ZNF385D: variants seen among roughly 807,000 people sequenced by gnomAD.
ZNF385D encodes zinc finger protein 659.
In ZNF385D, 15 loss-of-function variants were observed where a neutral mutation model predicts 35.8. That is an observed-to-expected ratio of 0.42 (90% CI 0.28 to 0.64). The LOEUF (loss-of-function observed/expected upper bound fraction) is 0.64. Ranked by LOEUF, ZNF385D falls within the 30% of genes least tolerant of loss-of-function variation. The pLI, the probability that ZNF385D is intolerant of heterozygous loss-of-function variation, is 0.23. For missense variants in ZNF385D, 474 were observed against 494.6 expected (o/e 0.96, Z 0.39); for synonymous variants, 212 against 186.8 (o/e 1.13, Z -1.10).
rs1403036346 is a variant in ZNF385D at position 21,415,128 on chromosome 3, T to A, written c.*6086A>T. 1 of 152,172 alleles carries A rather than the reference T, an allele frequency of 6.6e-6. No individual in the cohort carries two copies. Among genetic ancestry groups the A allele is most frequent in the Non-Finnish European group, 1.5e-5 (1 of 68,016 alleles). The allele number at this position is 152,172 out of a possible 1,614,324, so 9.4% of individuals were successfully genotyped here. On this transcript the variant is annotated 3_prime_UTR_variant, in exon 8 of 8. Transcript: ENST00000281523. ...ACTCTCTGACATCATTGTTTCTCAA[T>A]AGATTTATGTTGAACAATCCTATTA...
intron 2 of ZNF385D, among the ~76,000 whole-genome samples, chr3:21,634,583 G>C (rs1458468078): frequency 1.3e-5 from 2 of 151,552 alleles, no homozygotes; most frequent in East Asian, 2.0e-4. Flanking sequence ...TATTTTTTTA[G>C]TCAATAAAAT....
chr3:22,230,906 T>C (rs76356078), intron 2 of ZNF385D, among the ~76,000 whole-genome samples: 5 of 152,048 alleles, frequency 3.3e-5, no homozygotes, highest in Non-Finnish European at 7.4e-5. Context: ...AGGAAAAAGA[T>C]GAAAATTCTA....
intron 3 of ZNF385D, among the ~76,000 whole-genome samples, chr3:21,867,496 C>A (rs772590251): frequency 2.0e-5 from 3 of 152,084 alleles, no homozygotes; most frequent in Admixed American, 6.6e-5. Flanking sequence ...TGCTCTCTAC[C>A]TGTGAGGAGT....
intron 2 of ZNF385D, among the ~76,000 whole-genome samples, chr3:22,261,125 A>G (rs948102168): frequency 1.4e-5 from 2 of 145,150 alleles, no homozygotes; most frequent in African/African-American, 5.1e-5. Flanking sequence ...CCATCCATCC[A>G]TCTACACCGA....
At chr3:21,591,173 GAGA>G (rs2063965850) in intron 2 of ZNF385D, among the ~76,000 whole-genome samples, 1 of 152,100 alleles carries the variant, frequency 6.6e-6, no homozygotes, top group African/African-American at 2.4e-5. Flanking sequence ...CTCAGCCTGG[GAGA>G]CAGACCACAT....
chr3:21,435,042 C>A lies in ZNF385D; in HGVS notation c.673+1928G>T, dbSNP rs1701482313. On this transcript the variant is annotated intron_variant, in intron 5 of 7. Transcript: ENST00000281523. ...TTTATTTATTTTTCTCCAAAAACTA[C>A]AGCTTCCCATGACTTGGATATAATA... Among the ~76,000 whole-genome samples, 8 of 152,224 alleles carry A rather than the reference C, an allele frequency of 5.3e-5. No individual in the cohort carries two copies. The South Asian group carries it at 1.7e-3, about 32-fold the overall frequency.
intron 3 of ZNF385D, among the ~76,000 whole-genome samples, chr3:21,759,045 G>A (rs1438691453): frequency 7.6e-6 from 1 of 131,682 alleles, no homozygotes; most frequent in Non-Finnish European, 1.6e-5. Context: ...GAACTCGAAT[G>A]TTCAAGTTAC....
chr3:21,726,248 T>C (rs923971336), intron 1 of ZNF385D, among the ~76,000 whole-genome samples: 1 of 152,138 alleles, frequency 6.6e-6, no homozygotes, highest in Non-Finnish European at 1.5e-5. Context: ...ACTGGAAGCA[T>C]TCCCTTTGAA....
intron 3 of ZNF385D, among the ~76,000 whole-genome samples, chr3:22,114,450 C>T (rs562113585): frequency 1.3e-5 from 2 of 151,978 alleles, no homozygotes; most frequent in African/African-American, 4.8e-5. Flanking sequence ...ATTGTGTTTT[C>T]CCAGAAATAA....
chr3:21,525,706 A>C (rs1708184245), intron 3 of ZNF385D, among the ~76,000 whole-genome samples: 1 of 142,062 alleles, frequency 7.0e-6, no homozygotes, highest in Non-Finnish European at 1.5e-5. Context: ...AAAAAAAAAA[A>C]CTATTAAAAT....
chr3:21,961,763 G>A (rs776655288), intron 3 of ZNF385D, among the ~76,000 whole-genome samples: 1 of 152,082 alleles, frequency 6.6e-6, no homozygotes, highest in African/African-American at 2.4e-5. Flanking sequence ...TGAGACATTA[G>A]TTCTGAAGAA....
intron 3 of ZNF385D, among the ~76,000 whole-genome samples, chr3:22,033,699 T>C (rs1576194320): frequency 1.3e-5 from 2 of 152,220 alleles, no homozygotes. Flanking sequence ...GTCTACTATA[T>C]TCCTTGAACA....
chr3:21,856,915 G>A (rs1696745608), intron 3 of ZNF385D, among the ~76,000 whole-genome samples: 1 of 152,064 alleles, frequency 6.6e-6, no homozygotes, highest in South Asian at 2.1e-4. Context: ...TCCAAGGCAT[G>A]AAATCAAAAC....
chr3:22,365,688 C>T (rs867106716), intron 2 of ZNF385D, among the ~76,000 whole-genome samples: 1 of 152,082 alleles, frequency 6.6e-6, no homozygotes, highest in African/African-American at 2.4e-5. Context: ...AATTCCTCAG[C>T]TTTTTACCAT....
intron 2 of ZNF385D, among the ~76,000 whole-genome samples, chr3:21,577,880 A>G (rs953585911): frequency 1.3e-5 from 2 of 150,720 alleles, no homozygotes; most frequent in African/African-American, 4.9e-5. Context: ...TGCAATCTCA[A>G]CTCACTGCAG....
At chr3:22,092,087 G>T (rs566059136) in intron 3 of ZNF385D, among the ~76,000 whole-genome samples, 2 of 152,132 alleles carry the variant, frequency 1.3e-5, no homozygotes, top group Admixed American at 6.6e-5. Context: ...AGATTGAATA[G>T]AAGAGTGAAT....
At chr3:22,309,067 A>G (rs1703393863) in intron 2 of ZNF385D, among the ~76,000 whole-genome samples, 1 of 152,104 alleles carries the variant, frequency 6.6e-6, no homozygotes, top group African/African-American at 2.4e-5. Context: ...CATAAGCCAG[A>G]AAACCACACT....
chr3:21,491,620 A>G (rs952137910), intron 4 of ZNF385D, among the ~76,000 whole-genome samples: 1 of 152,206 alleles, frequency 6.6e-6, no homozygotes, highest in Non-Finnish European at 1.5e-5. Context: ...TTTACAAACT[A>G]TGGCCAAAGT....
chr3:22,068,487 C>T (rs1473557087), intron 3 of ZNF385D, among the ~76,000 whole-genome samples: 4 of 152,116 alleles, frequency 2.6e-5, no homozygotes, highest in East Asian at 1.9e-4. Context: ...TTCTCTTTCC[C>T]TCTTAAGCTC....
Sources: gnomAD v4.1 joint callset for allele counts (sites outside exome capture counted in the v4.1 genomes callset) on GRCh38, gnomAD v4.1.1 for gene constraint, MANE v1.5 for transcripts, NCBI Gene and HGNC (gene_info 2026-07-23, HGNC 2026-07-21) for gene names.